The following PRKCH variants were observed in gnomAD, a reference collection of about 807,000 sequenced individuals.
PRKCH encodes the protein protein kinase C eta type.
A neutral mutation model predicts 82.5 loss-of-function variants in PRKCH; 28 were observed. The ratio of observed to expected loss-of-function variants is 0.34; its 90% CI spans 0.25 to 0.47. The LOEUF is 0.47. PRKCH is among the 20% of genes least tolerant of loss of function. The probability of loss-of-function intolerance (pLI) is 1.00; values close to 1 mark genes in which losing one functional copy is unlikely to be tolerated. For missense variants in PRKCH, 705 were observed against 881.8 expected, an observed-to-expected ratio of 0.80 and a Z score of 2.54; for synonymous variants, 322 against 327.4, an observed-to-expected ratio of 0.98 and a Z score of 0.18.
At chr14:61,481,529 G>C (rs965885211) in intron 9 of PRKCH, among the ~76,000 whole-genome samples, 2 of 152,272 alleles carry the variant, frequency 1.3e-5, no homozygotes, top group Non-Finnish European at 1.5e-5. Flanking sequence ...CCTCACAACT[G>C]TGTCTTTCCC....
chr14:61,348,969 G>A (rs983736719), intron 1 of PRKCH, among the ~76,000 whole-genome samples: 2 of 152,268 alleles, frequency 1.3e-5, no homozygotes, highest in Non-Finnish European at 2.9e-5. Flanking sequence ...TTGCCTGAAT[G>A]ACACAGAAGT....
chr14:61,496,744 AT>A (rs1412169231), intron 10 of PRKCH, among the ~76,000 whole-genome samples: 3 of 152,206 alleles, frequency 2.0e-5, no homozygotes, highest in African/African-American at 7.2e-5. Flanking sequence ...TGTTCATGGA[AT>A]TGACCAAGGC....
At chr14:61,546,252 C>T (rs534343107) in intron 12 of PRKCH, among the ~76,000 whole-genome samples, 57 of 152,204 alleles carry the variant, frequency 3.7e-4, no homozygotes, top group Non-Finnish European at 6.9e-4. Flanking sequence ...ATATGCATCT[C>T]CTGAATCCTG....
intron 1 of PRKCH, among the ~76,000 whole-genome samples, chr14:61,301,532 G>A (rs1034058455): frequency 6.6e-6 from 1 of 152,182 alleles, no homozygotes; most frequent in African/African-American, 2.4e-5. Context: ...TCAAGGTAAC[G>A]TGTGCATACA....
At chr14:61,548,606 T>G (rs1034146930) in intron 13 of PRKCH, among the ~76,000 whole-genome samples, 4 of 151,924 alleles carry the variant, frequency 2.6e-5, no homozygotes, top group African/African-American at 9.7e-5. Flanking sequence ...ATGCCTATAA[T>G]CCCAGCACTT....
rs967443265 is a variant in PRKCH, at chr14:61,222,101, G to C, written c.-19+34433G>C. On this transcript the variant is annotated intron_variant, in intron 1 of 3. Transcript: ENST00000555185. The stretch of plus-strand genomic sequence containing the variant: ...CTGACGCCTGCCTTCTGAAAAAACA[G>C]AGTCTGTAAAGTGATATTTGCCCCT... Among the ~76,000 whole-genome samples, 3 of 152,066 alleles carry C rather than the reference G, an allele frequency of 2.0e-5. No individual in the cohort carries two copies. The East Asian group carries it at 5.8e-4, about 29-fold the overall frequency.
chr14:61,446,774 A>G (rs1884245869), intron 4 of PRKCH, among the ~76,000 whole-genome samples: 2 of 152,280 alleles, frequency 1.3e-5, no homozygotes, highest in Non-Finnish European at 2.9e-5. Context: ...GAGCACAGGA[A>G]TATGCCCTGC....
chr14:61,202,977 T>C (rs1353102393), intron 1 of PRKCH, among the ~76,000 whole-genome samples: 2 of 152,100 alleles, frequency 1.3e-5, no homozygotes, highest in Non-Finnish European at 2.9e-5. Context: ...GACAGTATCA[T>C]ACAGAATAGT....
At chr14:61,257,130 C>T (rs763910579) in intron 1 of PRKCH, among the ~76,000 whole-genome samples, 2 of 152,214 alleles carry the variant, frequency 1.3e-5, no homozygotes, top group Non-Finnish European at 2.9e-5. Flanking sequence ...TAATCCACTA[C>T]TCTCTGCATG....
rs554124694 is a variant in PRKCH at position 61,385,217 on chromosome 14, A to G, written c.364-6008A>G. On this transcript the variant is annotated intron_variant, in intron 1 of 13. Transcript: ENST00000332981. ...TAGACTCTGACCTCAGCTCTGTTCT[A>G]TTAGACACTCTGTCAGTGCATTAGC... Among the ~76,000 whole-genome samples, 5 of 151,470 alleles carry G rather than the reference A, an allele frequency of 3.3e-5. No homozygotes were observed. The South Asian group carries it at 1.0e-3, about 31-fold the overall frequency.
chr14:61,445,637 T>C, intron 3 of PRKCH, 55 bp from the exon 4 acceptor site: 1 of 1,500,974 alleles, frequency 6.7e-7, no homozygotes, highest in Admixed American at 1.7e-5. Flanking sequence ...TTAAGGACTA[T>C]AAGAGGGTTA....
At chr14:61,463,713 T>A (rs947396292) in intron 9 of PRKCH, among the ~76,000 whole-genome samples, 15 of 143,430 alleles carry the variant, frequency 1.0e-4, no homozygotes, top group African/African-American at 3.0e-4. Context: ...TTATATATAT[T>A]TTTTTGGTCA....
At chr14:61,313,016 G>A (rs955382565) in intron 1 of PRKCH, among the ~76,000 whole-genome samples, 8 of 152,210 alleles carry the variant, frequency 5.3e-5, no homozygotes, top group Non-Finnish European at 1.0e-4. Flanking sequence ...CTAAAAGAGT[G>A]TGTAGAGGTT....
intron 1 of PRKCH, among the ~76,000 whole-genome samples, chr14:61,288,404 A>C (rs370496164): frequency 2.0e-5 from 3 of 152,128 alleles, no homozygotes; most frequent in East Asian, 1.9e-4. Context: ...CTCAATAAAC[A>C]TACTTTCAAT....
intron 1 of PRKCH, chr14:61,327,178 T>G (rs1290955560): frequency 4.4e-6 from 2 of 454,912 alleles, no homozygotes; most frequent in Admixed American, 2.4e-5. Context: ...AATTTCTCAG[T>G]GAGGTACCTG....
At chr14:61,332,165 C>T (rs1478422941) in intron 1 of PRKCH, among the ~76,000 whole-genome samples, 1 of 152,170 alleles carries the variant, frequency 6.6e-6, no homozygotes, top group African/African-American at 2.4e-5. Flanking sequence ...AGCTACCAGT[C>T]TATGTATCCA....
chr14:61,431,744 T>C (rs1883406231), intron 2 of PRKCH, among the ~76,000 whole-genome samples: 1 of 152,236 alleles, frequency 6.6e-6, no homozygotes, highest in African/African-American at 2.4e-5. Context: ...TATACAAATA[T>C]ACTGTTATAT....
At chr14:61,335,141 G>A (rs1016339815) in intron 1 of PRKCH, among the ~76,000 whole-genome samples, 2 of 152,114 alleles carry the variant, frequency 1.3e-5, no homozygotes, top group Admixed American at 1.3e-4. Flanking sequence ...GAATCGTACT[G>A]GCTGAGGATA....
chr14:61,389,948 A>G (rs2046650403), intron 1 of PRKCH, among the ~76,000 whole-genome samples: 1 of 152,226 alleles, frequency 6.6e-6, no homozygotes, highest in Non-Finnish European at 1.5e-5. Flanking sequence ...AAACTTCTCT[A>G]TATGCCAGTC....
Sources: gnomAD v4.1 joint callset for allele counts (sites outside exome capture counted in the v4.1 genomes callset) on GRCh38, gnomAD v4.1.1 for gene constraint, MANE v1.5 for transcripts, NCBI Gene and HGNC (gene_info 2026-07-23, HGNC 2026-07-21) for gene names.